Variants in TET3 observed in about 807,000 individuals in gnomAD.
TET3 encodes tet methylcytosine dioxygenase 3.
A neutral mutation model predicts 141.4 loss-of-function variants in TET3; 19 were observed. That is an observed-to-expected ratio of 0.13 (90% CI 0.09 to 0.20). The LOEUF is 0.20. Among genes scored for constraint, TET3 ranks in the 10% least tolerant of loss-of-function variants. TET3 has a pLI of 1.00. For synonymous variants in TET3, 1,043 were observed against 980.9 expected (o/e 1.06, Z -1.18); for missense variants, 1,874 against 2,356.9 (o/e 0.80, Z 4.24).
intron 6 of TET3, 102 bp downstream of exon 6, chr2:74,080,693 C>T (rs1421172193): frequency 2.0e-5 from 11 of 538,446 alleles, no homozygotes; most frequent in Admixed American, 9.5e-5. Flanking sequence ...GCTGAGCAGG[C>T]GAGGGCGGGG....
In TET3 at chr2:74,102,088, A is replaced by G. The variant is rs764329143; in HGVS notation, c.5300A>G (p.Gln1767Arg). The G allele has an allele frequency of 6.6e-7, 1 of 1,505,286 alleles. No homozygotes were observed. Among genetic ancestry groups the G allele is most frequent in the Non-Finnish European group, 8.9e-7 (1 of 1,128,410 alleles). The allele number at this position is 1,505,286 out of a possible 1,614,324, so 93.2% of individuals were successfully genotyped here. Residue 1767 changes from glutamine to arginine, a missense_variant, in exon 12 of 12, where the codon CAG becomes CGG. Transcript: ENST00000409262. The stretch of plus-strand genomic sequence containing the variant: ...AAGAAGGGGGTCGTCCCCACCCGGC[A>G]GGCACTGGCTGTGCCCACAGACTCG... ...KEKKGVVPTR[Q>R]ALAVPTDSAV...
chr2:74,050,726 A>AT (rs1687899918), intron 4 of TET3, among the ~76,000 whole-genome samples: 1 of 152,004 alleles, frequency 6.6e-6, no homozygotes, highest in South Asian at 2.1e-4. Context: ...ATTTTTAAAA[A>AT]TTTTTTGTGG....
At chr2:74,100,341 C>T in intron 11 of TET3, 52 bp from the exon 12 acceptor site, 14 of 1,528,440 alleles carry the variant, frequency 9.2e-6, no homozygotes, top group Non-Finnish European at 1.2e-5. Flanking sequence ...CAGGGCCTCT[C>T]CAGGCTGTGG....
At chr2:74,080,143 A>G (rs1689724947) in intron 5 of TET3, among the ~76,000 whole-genome samples, 1 of 152,230 alleles carries the variant, frequency 6.6e-6, no homozygotes, top group Admixed American at 6.5e-5. Context: ...AGGGTGACTC[A>G]GCTAACAGGG....
At chr2:74,070,124 T>C (rs1344334080) in intron 4 of TET3, among the ~76,000 whole-genome samples, 1 of 152,242 alleles carries the variant, frequency 6.6e-6, no homozygotes, top group East Asian at 1.9e-4. Flanking sequence ...GAGTCTGTTA[T>C]TGAATATCAT....
intron 3 of TET3, among the ~76,000 whole-genome samples, chr2:74,010,606 T>C (rs1038292506): frequency 1.4e-4 from 22 of 152,252 alleles, no homozygotes; most frequent in African/African-American, 4.8e-4. Flanking sequence ...TCTGCTGTTA[T>C]TGGTCTCCAG....
chr2:74,085,630 C>T (rs1235339396), intron 6 of TET3, among the ~76,000 whole-genome samples: 5 of 86,606 alleles, frequency 5.8e-5, no homozygotes, highest in Admixed American at 4.8e-4. Flanking sequence ...CTCACATGCG[C>T]AGTTCATGCT....
intron 3 of TET3, among the ~76,000 whole-genome samples, chr2:74,032,114 T>C (rs925286404): frequency 1.3e-5 from 2 of 152,158 alleles, no homozygotes; most frequent in African/African-American, 4.8e-5. Context: ...TGTGGGCTGC[T>C]GTCCTCCTTC....
At chr2:73,999,314 T>C (rs1434224645) in intron 2 of TET3, among the ~76,000 whole-genome samples, 2 of 152,242 alleles carry the variant, frequency 1.3e-5, no homozygotes, top group Non-Finnish European at 2.9e-5. Flanking sequence ...TTAGCCTGTC[T>C]GTATCCCAAT....
chr2:74,080,364 TTC>T (rs906657731), intron 5 of TET3, 132 bp from the exon 6 acceptor site: 26 of 729,748 alleles, frequency 3.6e-5, no homozygotes, highest in Non-Finnish European at 6.0e-5. Context: ...ATTTAAACCT[TTC>T]TCTTTCTTCT....
At chr2:73,987,715 G>C (rs1558687863) in intron 2 of TET3, among the ~76,000 whole-genome samples, 1 of 152,196 alleles carries the variant, frequency 6.6e-6, no homozygotes, top group Non-Finnish European at 1.5e-5. Context: ...CAGACAACTC[G>C]GGCCCCCTCT....
intron 2 of TET3, among the ~76,000 whole-genome samples, chr2:73,996,761 G>A (rs186898762): frequency 1.1e-4 from 16 of 152,236 alleles, no homozygotes; most frequent in African/African-American, 3.4e-4. Flanking sequence ...TGCCTGCCTC[G>A]GCCTCCCAAA....
Position 74,101,322 on chromosome 2 carries a change from C to A in TET3, c.4534C>A (p.Pro1512Thr). 3.1e-6 allele frequency: 5 copies of A among 1,613,680 alleles called. No homozygotes were observed. Among genetic ancestry groups the A allele is most frequent in the Non-Finnish European group, 2.5e-6 (3 of 1,179,812 alleles). ...CTCTGGAGGACGGCTGCGAGGCAAA[C>A]CGTGGAGCCCCTGCAAGTTTGGGAA... ...SHSGGRLRGK[P>T]WSPCKFGNST... is the part of the protein sequence containing the mutation. The change falls in exon 12 of 12, where the codon CCG becomes ACG. Residue 1512 changes from proline (P) to threonine (T), a missense_variant. Pro to Thr is a conservative substitution (Grantham distance 38). Transcript: ENST00000409262. The surrounding 1 kb of genome is among the most constrained non-coding windows in gnomAD (Gnocchi z 8.5).
intron 2 of TET3, among the ~76,000 whole-genome samples, chr2:73,988,167 G>A: frequency 6.6e-6 from 1 of 152,180 alleles, no homozygotes; most frequent in Admixed American, 6.5e-5. Context: ...TCGTCCTGCT[G>A]GCCCAGTGCC....
At chr2:74,132,889 C>CT in the TET3 span, among the ~76,000 whole-genome samples, 57 of 150,942 alleles carry the variant, frequency 3.8e-4, no homozygotes, top group Middle Eastern at 3.4e-3. Flanking sequence ...TTTTTCTTTT[C>CT]TTTTTTTTTG....
At chr2:74,089,832 A>G (rs1332234123) in intron 7 of TET3, 65 bp from the exon 8 acceptor site, 5 of 1,580,950 alleles carry the variant, frequency 3.2e-6, no homozygotes, top group Non-Finnish European at 4.3e-6. Context: ...CCCTTGAGGG[A>G]GGAGGAATAC....
In TET3 at chr2:74,105,497, C is replaced by G; in HGVS notation, c.*3321C>G. Reference sequence around the variant, plus strand: ...AAAGGTGTTGCATGGATTTGGGGGTCTTTCGGTTTTTGGTTTTGGGTCTGG... The same window carrying G: ...AAAGGTGTTGCATGGATTTGGGGGTGTTTCGGTTTTTGGTTTTGGGTCTGG... On this transcript the variant is annotated 3_prime_UTR_variant, in exon 12 of 12. Coordinates refer to ENST00000409262, the MANE Select transcript of TET3 (RefSeq NM_001287491.2). The G allele has an allele frequency of 2.5e-6, 1 of 398,026 alleles. No individual in the cohort carries two copies. Among genetic ancestry groups the G allele is most frequent in the Non-Finnish European group, 4.4e-6 (1 of 226,012 alleles). 24.7% of individuals were successfully genotyped at this position (398,026 alleles called of 1,614,324 possible). A position where few individuals can be genotyped will look rare whatever the true frequency, so the allele number is the denominator to read the frequency against.
At chr2:74,019,806 C>G (rs139244032) in intron 3 of TET3, among the ~76,000 whole-genome samples, 94 of 152,314 alleles carry the variant, frequency 6.2e-4, no homozygotes, top group African/African-American at 2.0e-3. Context: ...CATTTTTCCA[C>G]GTGCAGACAT....
At chr2:74,027,017 A>G (rs1573725946) in intron 3 of TET3, among the ~76,000 whole-genome samples, 1 of 152,228 alleles carries the variant, frequency 6.6e-6, no homozygotes, top group East Asian at 1.9e-4. Context: ...GACCACCACT[A>G]CTTTCCCTGA....
Sources: gnomAD v4.1 joint callset for allele counts (sites outside exome capture counted in the v4.1 genomes callset) on GRCh38, gnomAD v4.1.1 for gene constraint, Gnocchi (gnomAD v3.1) non-coding constraint, MANE v1.5 for transcripts, NCBI Gene and HGNC (gene_info 2026-07-23, HGNC 2026-07-21) for gene names.